PTPRN2: variants seen among roughly 807,000 people sequenced by gnomAD.
PTPRN2 encodes protein tyrosine phosphatase receptor type N2.
Under a neutral mutation model 118.8 loss-of-function variants are expected in PTPRN2, and 74 were observed. The observed-to-expected ratio is 0.62, with a 90% CI of 0.52 to 0.76. The LOEUF is 0.76. Ranked by LOEUF, PTPRN2 falls within the 30% of genes least tolerant of loss-of-function variation. The probability of loss-of-function intolerance (pLI) is 0.00; values close to 1 mark genes in which losing one functional copy is unlikely to be tolerated. For missense variants in PTPRN2, 1,481 were observed against 1,394.4 expected, an observed-to-expected ratio of 1.06 and a Z score of -0.99; for synonymous variants, 641 against 608.0, an observed-to-expected ratio of 1.05 and a Z score of -0.80.
At position 158,576,124 on chromosome 7, in the gene PTPRN2, A is replaced by G. The variant is rs79340520; in HGVS notation, c.112+11434T>C. ...CTGCCTCTTACCCCAAATAAGCAGC[A>G]AGCAGGAACTCCCAGGCCTGGGTGA... On this transcript the variant is annotated intron_variant, in intron 1 of 22. Transcript: ENST00000389418. Among the ~76,000 whole-genome samples the G allele has an allele frequency of 1.3e-3, 197 of 152,230 alleles. 3 individuals carry two copies. In the East Asian group the frequency reaches 0.025, roughly 19 times the overall value.
At chr7:158,103,955 C>T (rs1047344801) in intron 10 of PTPRN2, among the ~76,000 whole-genome samples, 3 of 152,040 alleles carry the variant, frequency 2.0e-5, no homozygotes, top group Admixed American at 6.5e-5. Flanking sequence ...AACTGCCTCC[C>T]GGGTTCAAGC....
intron 21 of PTPRN2, among the ~76,000 whole-genome samples, chr7:157,568,359 T>C (rs576769573): frequency 2.0e-5 from 3 of 152,270 alleles, no homozygotes; most frequent in African/African-American, 7.2e-5. Context: ...GCACAGAGAT[T>C]CCCTAGATAA....
intron 2 of PTPRN2, among the ~76,000 whole-genome samples, chr7:158,484,299 A>G (rs575084071): frequency 6.6e-6 from 1 of 151,962 alleles, no homozygotes; most frequent in East Asian, 1.9e-4. Context: ...CCAGCCCTAC[A>G]CGGCCACAAC....
intron 1 of PTPRN2, among the ~76,000 whole-genome samples, chr7:158,510,387 C>T (rs185496745): frequency 2.2e-4 from 33 of 152,166 alleles, no homozygotes; most frequent in Non-Finnish European, 3.7e-4. Context: ...GAATTAATGA[C>T]GCTTTCTCAA....
chr7:157,698,359 C>T (rs1797908759), intron 12 of PTPRN2, among the ~76,000 whole-genome samples: 1 of 152,144 alleles, frequency 6.6e-6, no homozygotes, highest in Non-Finnish European at 1.5e-5. Context: ...GGCTCATATG[C>T]CGATGAATCT....
intron 3 of PTPRN2, among the ~76,000 whole-genome samples, chr7:158,262,786 CACAT>C (rs964896260): frequency 2.6e-4 from 39 of 149,318 alleles, no homozygotes; most frequent in African/African-American, 7.2e-4. Flanking sequence ...ACACACTACA[CACAT>C]ACACATTCAC....
At chr7:158,050,256 T>C (rs1244340144) in intron 11 of PTPRN2, among the ~76,000 whole-genome samples, 2 of 152,236 alleles carry the variant, frequency 1.3e-5, no homozygotes, top group African/African-American at 4.8e-5. Context: ...TGTTCTAAAG[T>C]GATCATGCTT....
At chr7:158,389,037 C>T (rs950770346) in intron 2 of PTPRN2, among the ~76,000 whole-genome samples, 4 of 152,344 alleles carry the variant, frequency 2.6e-5, no homozygotes, top group East Asian at 3.9e-4. Flanking sequence ...TTTCACCCAA[C>T]GTGAGGCGGG....
intron 20 of PTPRN2, among the ~76,000 whole-genome samples, chr7:157,570,439 G>A (rs1392032204): frequency 6.6e-6 from 1 of 152,196 alleles, no homozygotes; most frequent in Non-Finnish European, 1.5e-5. Flanking sequence ...TTCTTGATTG[G>A]ATTTGACAGA....
chr7:158,389,291 T>C (rs541770949), intron 2 of PTPRN2, among the ~76,000 whole-genome samples: 23 of 152,374 alleles, frequency 1.5e-4, no homozygotes, highest in African/African-American at 5.5e-4. Context: ...CTGCGACGCA[T>C]GTGGAGGACA....
intron 9 of PTPRN2, among the ~76,000 whole-genome samples, chr7:158,132,195 C>G (rs971854770): frequency 1.3e-5 from 2 of 150,928 alleles, no homozygotes; most frequent in Non-Finnish European, 2.9e-5. Context: ...CACACACGCA[C>G]AGATACACAC....
intron 12 of PTPRN2, among the ~76,000 whole-genome samples, chr7:157,747,795 G>A (rs1801087285): frequency 3.9e-5 from 5 of 126,948 alleles, no homozygotes; most frequent in Admixed American, 8.3e-5. Flanking sequence ...CCTGAGCTGT[G>A]GGCTGTTGAG....
At chr7:158,492,175 G>A (rs759318123) in intron 1 of PTPRN2, among the ~76,000 whole-genome samples, 4 of 152,206 alleles carry the variant, frequency 2.6e-5, no homozygotes, top group Non-Finnish European at 4.4e-5. Flanking sequence ...TGACCACACC[G>A]GAGATGTGCT....
intron 2 of PTPRN2, among the ~76,000 whole-genome samples, chr7:158,393,755 G>A (rs755744986): frequency 1.2e-4 from 18 of 152,088 alleles, no homozygotes; most frequent in Non-Finnish European, 2.5e-4. Context: ...GAATCATGAC[G>A]TGATTGCAAC....
At chr7:157,672,281 T>G (rs1375743091) in intron 13 of PTPRN2, among the ~76,000 whole-genome samples, 1 of 152,156 alleles carries the variant, frequency 6.6e-6, no homozygotes, top group Non-Finnish European at 1.5e-5. Flanking sequence ...CAGACACGTT[T>G]TCTAGACTTT....
At chr7:158,340,521 T>A (rs1193688770) in intron 2 of PTPRN2, among the ~76,000 whole-genome samples, 2 of 122,358 alleles carry the variant, frequency 1.6e-5, no homozygotes, top group Non-Finnish European at 3.5e-5. Flanking sequence ...ACACCCACAT[T>A]CTCACCATAA....
At chr7:158,153,825 T>C (rs1421922187) in intron 6 of PTPRN2, among the ~76,000 whole-genome samples, 1 of 151,346 alleles carries the variant, frequency 6.6e-6, no homozygotes, top group Non-Finnish European at 1.5e-5. Context: ...TCTGGTCAGA[T>C]CTGGTTAGGG....
chr7:157,706,550 C>G (rs1034734033), intron 12 of PTPRN2, among the ~76,000 whole-genome samples: 13 of 151,800 alleles, frequency 8.6e-5, no homozygotes, highest in Non-Finnish European at 1.6e-4. Context: ...GACCCAGGTG[C>G]CTTCTGGATA....
At chr7:157,824,583 C>G (rs2151146742) in intron 12 of PTPRN2, among the ~76,000 whole-genome samples, 1 of 152,296 alleles carries the variant, frequency 6.6e-6, no homozygotes, top group Admixed American at 6.5e-5. Flanking sequence ...GGACTGTTGG[C>G]AACTGAGCCT....
Sources: gnomAD v4.1 joint callset for allele counts (sites outside exome capture counted in the v4.1 genomes callset) on GRCh38, gnomAD v4.1.1 for gene constraint, MANE v1.5 for transcripts, NCBI Gene and HGNC (gene_info 2026-07-23, HGNC 2026-07-21) for gene names.